The following PREX1 variants were observed in gnomAD, a reference collection of about 807,000 sequenced individuals.
PREX1 encodes phosphatidylinositol-3,4,5-trisphosphate dependent Rac exchange factor 1, also known as phosphatidylinositol 3,4,5-trisphosphate-dependent Rac exchanger 1 protein.
PREX1 carries 41 observed loss-of-function variants against 198.3 expected under a neutral mutation model. The observed-to-expected ratio is 0.21, with a 90% CI of 0.16 to 0.27. PREX1 has a LOEUF of 0.27. Ranked by LOEUF, PREX1 falls within the 10% of genes least tolerant of loss-of-function variation. PREX1 has a pLI of 1.00. For missense variants in PREX1, 1,620 were observed against 2,200.7 expected (o/e 0.74, Z 5.28); for synonymous variants, 843 against 887.2 (o/e 0.95, Z 0.89).
At chr20:48,784,702 C>T (rs933000341) in intron 1 of PREX1, among the ~76,000 whole-genome samples, 4 of 152,136 alleles carry the variant, frequency 2.6e-5, no homozygotes, top group African/African-American at 9.7e-5. Flanking sequence ...AAGAGAAAGG[C>T]AAGTGGGCGA....
chr20:48,880,789 A>G, the PREX1 span, among the ~76,000 whole-genome samples: 44 of 152,216 alleles, frequency 2.9e-4, 2 homozygotes, highest in South Asian at 8.9e-3. Flanking sequence ...ATAGGCCACT[A>G]GTCATTTCTG....
intron 1 of PREX1, among the ~76,000 whole-genome samples, chr20:48,818,413 C>A (rs576228141): frequency 6.6e-6 from 1 of 152,172 alleles, no homozygotes; most frequent in Non-Finnish European, 1.5e-5. Context: ...AGGTCTTGTG[C>A]GACATTCCAG....
At chr20:48,708,486 C>T (rs1312178990) in intron 5 of PREX1, 65 bp from the exon 6 acceptor site, 9 of 1,534,928 alleles carry the variant, frequency 5.9e-6, no homozygotes, top group Non-Finnish European at 8.0e-6. Context: ...AGACCCAGGC[C>T]AGAGCTGAAC....
chr20:48,793,218 A>AATAC (rs2090346481), intron 1 of PREX1, among the ~76,000 whole-genome samples: 1 of 152,170 alleles, frequency 6.6e-6, no homozygotes, highest in Non-Finnish European at 1.5e-5. Flanking sequence ...TAAATAAATA[A>AATAC]ATACATACAT....
chr20:48,630,046 TG>T (rs2089301574), intron 36 of PREX1, among the ~76,000 whole-genome samples: 1 of 152,142 alleles, frequency 6.6e-6, no homozygotes, highest in African/African-American at 2.4e-5. Flanking sequence ...ACTAACGAGC[TG>T]TGCTGCGGGG....
In PREX1 at chr20:48,751,586, G is replaced by A. The variant is rs560061913; in HGVS notation, c.220-3706C>T. Among the ~76,000 whole-genome samples the A allele has an allele frequency of 1.2e-4, 19 of 152,304 alleles. No individual in the cohort carries two copies. The South Asian group carries it at 3.1e-3, about 25-fold the overall frequency. The stretch of plus-strand genomic sequence containing the variant: ...GACTGGCTTTTCCAGGCAGCACGGC[G>A]TCCCCTGCACTGGCAGGATGGTGAA... On this transcript the variant is annotated intron_variant, in intron 1 of 39. Transcript: ENST00000371941.
Position 48,821,263 on chromosome 20 carries a change from GCCA to G in PREX1, c.219+6376_219+6378del, listed in dbSNP as rs1246383593. 3.9e-5 allele frequency among the ~76,000 whole-genome samples: 6 copies of G among 152,186 alleles called. No individual in the cohort carries two copies. The East Asian group carries it at 1.2e-3, about 29-fold the overall frequency. On this transcript the variant is annotated intron_variant, in intron 1 of 39. Coordinates refer to ENST00000371941, the MANE Select transcript of PREX1 (RefSeq NM_020820.4). ...CACAGATCCCCAGAAAAGGATGTGGGCCACCAAGCTCTCTTCCCAGGTATCTGG... is the reference window on the plus strand; with the variant it reads ...CACAGATCCCCAGAAAAGGATGTGGGCCAAGCTCTCTTCCCAGGTATCTGG...
chr20:48,720,033 T>C lies in PREX1; in HGVS notation c.621+6257A>G, dbSNP rs528225675. 3.3e-5 allele frequency among the ~76,000 whole-genome samples: 5 copies of C among 152,312 alleles called. No homozygotes were observed. In the South Asian group the frequency reaches 1.0e-3, roughly 32 times the overall value. The stretch of plus-strand genomic sequence containing the variant: ...CTCTTCCTTTCCAGTCACCCTGGCC[T>C]CCTCACTGTTCCCCAGACACACCAG... On this transcript the variant is annotated intron_variant, in intron 5 of 39. Coordinates refer to ENST00000371941, the MANE Select transcript of PREX1 (RefSeq NM_020820.4).
chr20:48,628,972 A>AGGAAGTGAGGGCTGCG, intron 37 of PREX1, among the ~76,000 whole-genome samples: 1 of 151,942 alleles, frequency 6.6e-6, no homozygotes, highest in Admixed American at 6.5e-5. Context: ...TGAGGGCTGC[A>AGGAAGTGAGGGCTGCG]GAGGAAGAGA....
At chr20:48,770,334 C>T (rs2090229536) in intron 1 of PREX1, among the ~76,000 whole-genome samples, 2 of 152,146 alleles carry the variant, frequency 1.3e-5, no homozygotes, top group South Asian at 2.1e-4. Context: ...AGGAGGTACA[C>T]GAACCCGAGA....
intron 29 of PREX1, among the ~76,000 whole-genome samples, chr20:48,641,709 T>C (rs2089411010): frequency 6.6e-6 from 1 of 151,766 alleles, no homozygotes; most frequent in African/African-American, 2.4e-5. Flanking sequence ...TGAGGATAAC[T>C]TGAGCCTGGG....
intron 1 of PREX1, among the ~76,000 whole-genome samples, chr20:48,781,867 CATTAAGG>C (rs963449632): frequency 6.6e-6 from 1 of 152,220 alleles, no homozygotes; most frequent in Non-Finnish European, 1.5e-5. Flanking sequence ...TTTCCTGTTG[CATTAAGG>C]ATTAAGTTTC....
Position 48,662,838 on chromosome 20 carries a change from G to A in PREX1, c.1739-2777C>T, listed in dbSNP as rs1397348110. On this transcript the variant is annotated intron_variant, in intron 15 of 39. Transcript: ENST00000371941. Reference sequence around the variant, plus strand: ...GCAATTTCTCTCCCTGAGAGCCCTTGAGGACATCAGGATTGCCTGGGAGTC... The same window carrying A: ...GCAATTTCTCTCCCTGAGAGCCCTTAAGGACATCAGGATTGCCTGGGAGTC... Among the ~76,000 whole-genome samples the A allele has an allele frequency of 2.0e-5, 3 of 152,208 alleles. No homozygotes were observed. In the East Asian group the frequency reaches 5.8e-4, roughly 29 times the overall value.
In PREX1 at chr20:48,679,763, A is replaced by T; in HGVS notation, c.1436-9T>A. ...CTGGTGCTTGTCGGAAACTGGAGAG[A>T]CAGGAGGACCTGTGACGCTGGGCAC... On this transcript the variant is annotated splice_polypyrimidine_tract_variant and intron_variant, in intron 11 of 39. Coordinates refer to ENST00000371941, the MANE Select transcript of PREX1 (RefSeq NM_020820.4). The T allele has an allele frequency of 6.2e-7, 1 of 1,601,678 alleles. No individual in the cohort carries two copies. Among genetic ancestry groups the T allele is most frequent in the Non-Finnish European group, 8.6e-7 (1 of 1,168,712 alleles).
chr20:48,647,721 T>G (rs542117803), intron 25 of PREX1, among the ~76,000 whole-genome samples: 1 of 152,194 alleles, frequency 6.6e-6, no homozygotes, highest in South Asian at 2.1e-4. Context: ...AGGGCCAGGA[T>G]TTGAACCCAG....
chr20:48,718,770 A>C (rs1170147607), intron 5 of PREX1, among the ~76,000 whole-genome samples: 1 of 152,250 alleles, frequency 6.6e-6, no homozygotes, highest in Non-Finnish European at 1.5e-5. Context: ...TTGAAACAAT[A>C]AAAATAACTA....
chr20:48,694,589 T>A (rs1487754302), intron 7 of PREX1, among the ~76,000 whole-genome samples: 1 of 152,194 alleles, frequency 6.6e-6, no homozygotes, highest in Non-Finnish European at 1.5e-5. Flanking sequence ...GGCCACTTGG[T>A]GGTGTGCACA....
the PREX1 span, among the ~76,000 whole-genome samples, chr20:48,868,944 A>G: frequency 1.3e-5 from 2 of 151,972 alleles, no homozygotes; most frequent in African/African-American, 4.8e-5. Flanking sequence ...TGGCACAAAC[A>G]GAGCTCATTG....
chr20:48,704,446 G>A (rs1324677251), intron 6 of PREX1, among the ~76,000 whole-genome samples: 3 of 152,186 alleles, frequency 2.0e-5, no homozygotes, highest in Non-Finnish European at 2.9e-5. Flanking sequence ...GGGTGAGGGC[G>A]AGTGAGCAGT....
Sources: gnomAD v4.1 joint callset for allele counts (sites outside exome capture counted in the v4.1 genomes callset) on GRCh38, gnomAD v4.1.1 for gene constraint, MANE v1.5 for transcripts, NCBI Gene and HGNC (gene_info 2026-07-23, HGNC 2026-07-21) for gene names.